Variants in GRIN2A observed in about 807,000 individuals in gnomAD.
GRIN2A encodes glutamate receptor ionotropic, NMDA 2A.
Under a neutral mutation model 113.4 loss-of-function variants are expected in GRIN2A, and 22 were observed. That is an observed-to-expected ratio of 0.19 (90% confidence interval 0.14 to 0.28). The LOEUF is 0.28. GRIN2A is among the 10% of genes least tolerant of loss of function. The pLI is 1.00. For missense variants in GRIN2A, 1,502 were observed against 1,887.0 expected (o/e 0.80, Z 3.78); for synonymous variants, 827 against 738.4 (o/e 1.12, Z -1.94).
chr16:10,163,045 T>A (rs752492667), intron 2 of GRIN2A, among the ~76,000 whole-genome samples: 4 of 152,198 alleles, frequency 2.6e-5, no homozygotes, highest in Non-Finnish European at 4.4e-5. Flanking sequence ...AAAGATTATT[T>A]TTATGCTTCT....
chr16:9,819,224 C>T (rs1264965541), intron 10 of GRIN2A, among the ~76,000 whole-genome samples: 2 of 151,870 alleles, frequency 1.3e-5, no homozygotes, highest in Admixed American at 1.3e-4. Flanking sequence ...CTTATCTATT[C>T]AAAATTTAAT....
intron 11 of GRIN2A, among the ~76,000 whole-genome samples, chr16:9,784,961 G>A (rs1164468795): frequency 6.6e-6 from 1 of 152,200 alleles, no homozygotes; most frequent in Non-Finnish European, 1.5e-5. Context: ...CAGAGGATGT[G>A]GAGAAATAGG....
intron 4 of GRIN2A, among the ~76,000 whole-genome samples, chr16:9,854,980 A>C (rs1337992850): frequency 6.9e-6 from 1 of 145,208 alleles, no homozygotes; most frequent in East Asian, 2.0e-4. Context: ...CAACCAGGAC[A>C]GGCAAGCACG....
chr16:10,126,169 A>AT (rs201170084), intron 2 of GRIN2A, among the ~76,000 whole-genome samples: 31,431 of 139,008 alleles, frequency 0.23, 3,753 homozygotes, highest in Middle Eastern at 0.3. Flanking sequence ...ATATATATAT[A>AT]TATTTTTTTT....
chr16:9,962,875 T>C (rs1423045899), intron 2 of GRIN2A, among the ~76,000 whole-genome samples: 3 of 152,022 alleles, frequency 2.0e-5, no homozygotes, highest in Non-Finnish European at 4.4e-5. Flanking sequence ...CCAACCCAAA[T>C]GTCCAACAAT....
intron 2 of GRIN2A, among the ~76,000 whole-genome samples, chr16:9,999,815 T>C (rs918287124): frequency 6.6e-6 from 1 of 152,150 alleles, no homozygotes; most frequent in African/African-American, 2.4e-5. Context: ...GGGTATTAGT[T>C]TCCATTTGCT....
At chr16:9,883,796 T>G (rs1446075907) in intron 4 of GRIN2A, among the ~76,000 whole-genome samples, 2 of 152,116 alleles carry the variant, frequency 1.3e-5, no homozygotes, top group Non-Finnish European at 2.9e-5. Context: ...TGTATTTCTG[T>G]GCAAAATGCA....
At chr16:10,043,443 CT>C (rs1166610727) in intron 2 of GRIN2A, among the ~76,000 whole-genome samples, 2 of 152,228 alleles carry the variant, frequency 1.3e-5, no homozygotes, top group Non-Finnish European at 2.9e-5. Context: ...CACTCGCTAC[CT>C]CCTTATCTTT....
At chr16:9,807,594 C>T (rs1427000083) in intron 10 of GRIN2A, among the ~76,000 whole-genome samples, 1 of 152,094 alleles carries the variant, frequency 6.6e-6, no homozygotes, top group Non-Finnish European at 1.5e-5. Context: ...TAACGTTGGA[C>T]CCAAACTGAC....
intron 2 of GRIN2A, among the ~76,000 whole-genome samples, chr16:9,993,672 G>A (rs893477352): frequency 2.0e-5 from 3 of 152,122 alleles, no homozygotes; most frequent in African/African-American, 4.8e-5. Context: ...TACATTGCAG[G>A]TTGGGAAACA....
chr16:9,780,316 A>C (rs548497464), intron 11 of GRIN2A, among the ~76,000 whole-genome samples: 2 of 152,372 alleles, frequency 1.3e-5, no homozygotes, highest in East Asian at 3.9e-4. Context: ...AAATATCCAA[A>C]GCAGACAAAA....
Position 10,075,529 on chromosome 16 carries a change from T to C in GRIN2A, c.414+104469A>G, listed in dbSNP as rs533391490. Reference sequence around the variant, plus strand: ...TTCTGGAGATGGATACTGATGATGATTGCACAACAATGTGAATGTACTTAA... The same window carrying C: ...TTCTGGAGATGGATACTGATGATGACTGCACAACAATGTGAATGTACTTAA... On this transcript the variant is annotated intron_variant, in intron 2 of 12. Transcript: ENST00000330684. Among the ~76,000 whole-genome samples the C allele has an allele frequency of 1.8e-3, 279 of 152,252 alleles. 2 individuals carry two copies. Among genetic ancestry groups the C allele is most frequent in the African/African-American group, 6.3e-3 (261 of 41,536 alleles).
chr16:9,893,553 G>A (rs938730874), intron 3 of GRIN2A, among the ~76,000 whole-genome samples: 6 of 152,032 alleles, frequency 3.9e-5, no homozygotes, highest in Admixed American at 3.3e-4. Flanking sequence ...TGCAACCTCC[G>A]CCTCCCAGGT....
rs372142128 is a variant in GRIN2A, at chr16:10,113,448, G to A, written c.414+66550C>T. 7.2e-5 allele frequency among the ~76,000 whole-genome samples: 11 copies of A among 152,300 alleles called. No homozygotes were observed. In the East Asian group the frequency reaches 7.7e-4, roughly 11 times the overall value. Reference sequence around the variant, plus strand: ...CCGGGGAGGAGGCTGCCCTGCTCATGGCCGCCTGCCCATCATTCGTGACTC... The same window carrying A: ...CCGGGGAGGAGGCTGCCCTGCTCATAGCCGCCTGCCCATCATTCGTGACTC... On this transcript the variant is annotated intron_variant, in intron 2 of 12. Coordinates refer to ENST00000330684, the MANE Select transcript of GRIN2A (RefSeq NM_001134407.3).
intron 2 of GRIN2A, among the ~76,000 whole-genome samples, chr16:10,147,284 C>A (rs899267723): frequency 1.4e-4 from 21 of 151,704 alleles, no homozygotes; most frequent in Middle Eastern, 3.2e-3. Context: ...ACTGAGAAAC[C>A]CTGCTAAAAG....
chr16:10,109,728 C>G (rs144971252), intron 2 of GRIN2A, among the ~76,000 whole-genome samples: 1 of 150,612 alleles, frequency 6.6e-6, no homozygotes, highest in African/African-American at 2.4e-5. Flanking sequence ...TTTTAAATAA[C>G]AAAAAATATA....
chr16:10,081,720 A>G (rs1111537), intron 2 of GRIN2A, among the ~76,000 whole-genome samples: 130,418 of 152,130 alleles, frequency 0.86, 56,408 homozygotes, highest in East Asian at 0.99. Flanking sequence ...CACATGAGAC[A>G]AGCTTTTTGG....
chr16:10,069,110 G>A (rs902512135), intron 2 of GRIN2A, among the ~76,000 whole-genome samples: 2 of 152,060 alleles, frequency 1.3e-5, no homozygotes, highest in Non-Finnish European at 2.9e-5. Context: ...CAGAAGAGAA[G>A]TGACCTGATC....
intron 10 of GRIN2A, among the ~76,000 whole-genome samples, chr16:9,807,458 A>C (rs1383965939): frequency 1.3e-5 from 2 of 151,698 alleles, no homozygotes; most frequent in African/African-American, 4.8e-5. Flanking sequence ...AGAGAGAGAA[A>C]GAGAAAGAAT....
Sources: allele counts gnomAD v4.1 joint callset (sites outside exome capture counted in the v4.1 genomes callset), GRCh38; gene constraint gnomAD v4.1.1; transcripts MANE v1.5; gene names NCBI Gene and HGNC (gene_info 2026-07-23, HGNC 2026-07-21).